Variants in CNNM1 observed in about 807,000 individuals in gnomAD.
CNNM1 encodes metal transporter CNNM1.
Under a neutral mutation model 78.8 loss-of-function variants are expected in CNNM1, and 44 were observed. The observed-to-expected ratio is 0.56, with a 90% CI of 0.44 to 0.72. The LOEUF (loss-of-function observed/expected upper bound fraction) is 0.72, where lower values mean the gene tolerates loss of function less well. CNNM1 is among the 30% of genes least tolerant of loss of function. The pLI is 0.00. For synonymous variants in CNNM1, 584 were observed against 581.5 expected (o/e 1.00, Z -0.06); for missense variants, 1,101 against 1,292.2 (o/e 0.85, Z 2.27).
intron 4 of CNNM1, among the ~76,000 whole-genome samples, chr10:99,362,731 C>A (rs750369855): frequency 5.3e-5 from 8 of 152,126 alleles, no homozygotes; most frequent in Non-Finnish European, 7.4e-5. Flanking sequence ...GCTTGAACAT[C>A]CCCTGAAATG....
chr10:99,329,918 G>T lies in CNNM1; in HGVS notation c.531G>T (p.Ala177=). Residue 177 remains alanine (A), a synonymous_variant, in exon 1 of 11, where the codon GCG becomes GCT. Transcript: ENST00000356713. Reference sequence around the variant, plus strand: ...AGGGCGAAGCGGAGCGGGGCGGCGCGGGCGGTGGCGGGAAGCTCTTTTCAC... The same window carrying T: ...AGGGCGAAGCGGAGCGGGGCGGCGCTGGCGGTGGCGGGAAGCTCTTTTCAC... ...LRKGEAERGG[A]GGGGKLFSLC... 1 of 1,383,210 alleles carries T rather than the reference G, an allele frequency of 7.2e-7. No individual in the cohort carries two copies. Among genetic ancestry groups the T allele is most frequent in the Non-Finnish European group, 9.3e-7 (1 of 1,076,570 alleles). 85.7% of individuals were successfully genotyped at this position (1,383,210 alleles called of 1,614,324 possible). A position where few individuals can be genotyped will look rare whatever the true frequency, so the allele number is the denominator to read the frequency against.
At position 99,388,219 on chromosome 10, in the gene CNNM1, C is replaced by G; in HGVS notation, c.2592C>G (p.Phe864Leu). 1.2e-6 allele frequency: 2 copies of G among 1,614,012 alleles called. No homozygotes were observed. Among genetic ancestry groups the G allele is most frequent in the Non-Finnish European group, 1.7e-6 (2 of 1,179,898 alleles). The change falls in exon 9 of 11, where the codon TTC becomes TTG. Residue 864 changes from phenylalanine (F) to leucine (L), a missense_variant. By Grantham distance (22) the Phe-to-Leu change is conservative. Coordinates refer to ENST00000356713, the MANE Select transcript of CNNM1 (RefSeq NM_020348.3). ...ACCTGAGGATGGAGGAGCTGGCCTT[C>G]ACCCAGGAAGAAATGACTGACTTCG... ...VVYLRMEELAFTQEEMTDFEE... is the reference protein window; with the variant it reads ...VVYLRMEELALTQEEMTDFEE...
intron 1 of CNNM1, among the ~76,000 whole-genome samples, chr10:99,332,048 T>G (rs1209783141): frequency 6.6e-6 from 1 of 152,086 alleles, no homozygotes; most frequent in African/African-American, 2.4e-5. Context: ...TACATTAGAG[T>G]CACCCCTCTT....
intron 1 of CNNM1, among the ~76,000 whole-genome samples, chr10:99,334,847 C>CCAGG (rs1449287280): frequency 1.3e-5 from 2 of 152,138 alleles, no homozygotes; most frequent in African/African-American, 4.8e-5. Flanking sequence ...AGGCACCATG[C>CCAGG]CAGGCCCTTT....
intron 6 of CNNM1, among the ~76,000 whole-genome samples, chr10:99,366,736 C>A (rs549076071): frequency 4.1e-4 from 62 of 152,222 alleles, no homozygotes; most frequent in African/African-American, 1.5e-3. Flanking sequence ...GAGCCAAGAT[C>A]ATGCCACCGT....
At chr10:99,389,007 C>T (rs1287748585) in intron 9 of CNNM1, among the ~76,000 whole-genome samples, 1 of 152,136 alleles carries the variant, frequency 6.6e-6, no homozygotes, top group East Asian at 1.9e-4. Context: ...CTTTCAGTAG[C>T]CCCCTATGCC....
At chr10:99,374,330 G>T (rs559094829) in intron 6 of CNNM1, among the ~76,000 whole-genome samples, 14 of 152,294 alleles carry the variant, frequency 9.2e-5, no homozygotes, top group African/African-American at 3.4e-4. Flanking sequence ...GTAGGGCCCT[G>T]GGCATCTGAC....
chr10:99,390,268 G>C (rs773983552), intron 9 of CNNM1, 38 bp from the exon 10 acceptor site: 59 of 1,464,152 alleles, frequency 4.0e-5, no homozygotes, highest in Admixed American at 7.3e-5. Flanking sequence ...TGAGTGTGTA[G>C]GTTGAGACAA....
At chr10:99,346,762 C>G (rs544384728) in intron 1 of CNNM1, among the ~76,000 whole-genome samples, 1 of 151,766 alleles carries the variant, frequency 6.6e-6, no homozygotes, top group African/African-American at 2.4e-5. Flanking sequence ...CGTGAGCCAC[C>G]ATGCCCAGCT....
intron 1 of CNNM1, among the ~76,000 whole-genome samples, chr10:99,336,824 G>A (rs1360573688): frequency 6.6e-6 from 1 of 152,024 alleles, no homozygotes; most frequent in African/African-American, 2.4e-5. Flanking sequence ...AAAATTAGCC[G>A]GGCAGTAATG....
At chr10:99,334,252 A>T (rs1244604696) in intron 1 of CNNM1, among the ~76,000 whole-genome samples, 1 of 152,272 alleles carries the variant, frequency 6.6e-6, no homozygotes, top group Non-Finnish European at 1.5e-5. Context: ...GGATGTTCTC[A>T]GGCTGCAAGC....
At chr10:99,385,865 A>G (rs2032289187) in intron 7 of CNNM1, among the ~76,000 whole-genome samples, 1 of 152,240 alleles carries the variant, frequency 6.6e-6, no homozygotes, top group Non-Finnish European at 1.5e-5. Context: ...TGACTAAACT[A>G]GAAGCCAAAT....
intron 1 of CNNM1, among the ~76,000 whole-genome samples, chr10:99,331,648 C>T (rs12255001): frequency 0.011 from 1,600 of 152,296 alleles, 33 homozygotes; most frequent in African/African-American, 0.036. Context: ...GGGAGGATTA[C>T]TCGAGCCCAG....
intron 6 of CNNM1, 109 bp from the exon 7 acceptor site, chr10:99,376,946 A>C: frequency 1.9e-6 from 2 of 1,039,688 alleles, no homozygotes; most frequent in Non-Finnish European, 2.8e-6. Flanking sequence ...GTCTTATGGG[A>C]CCTCAGTAAA....
At chr10:99,360,288 A>T (rs2031386213) in intron 2 of CNNM1, among the ~76,000 whole-genome samples, 1 of 152,192 alleles carries the variant, frequency 6.6e-6, no homozygotes, top group African/African-American at 2.4e-5. Context: ...CATGGTTCAC[A>T]TAAGCAGCAG....
chr10:99,390,416 C>T lies in CNNM1; in HGVS notation c.2776+9C>T, dbSNP rs1057058688. On this transcript the variant is annotated intron_variant, in intron 10 of 10. Coordinates refer to ENST00000356713, the MANE Select transcript of CNNM1 (RefSeq NM_020348.3). ...GCTGCTGAGAACCTTGAGTGAGTAG[C>T]TAGTTCTTCACCCAAATGAGAGCCA... is the stretch of plus-strand genomic sequence containing the variant. 1 of 1,600,272 alleles carries T rather than the reference C, an allele frequency of 6.2e-7. No homozygotes were observed. Among genetic ancestry groups the T allele is most frequent in the South Asian group, 1.1e-5 (1 of 89,304 alleles).
chr10:99,348,984 C>T (rs1227130052), intron 1 of CNNM1, among the ~76,000 whole-genome samples: 2 of 152,096 alleles, frequency 1.3e-5, no homozygotes, highest in South Asian at 4.1e-4. Flanking sequence ...GTGGGAGGAT[C>T]CCTTGAGCCT....
At chr10:99,391,323 G>A (rs574647047) in intron 10 of CNNM1, 114 bp from the exon 11 acceptor site, 2 of 758,380 alleles carry the variant, frequency 2.6e-6, no homozygotes, top group African/African-American at 1.7e-5. Context: ...TAACCAAGCT[G>A]TCAAGGGCTT....
chr10:99,352,227 A>C (rs898153663), intron 1 of CNNM1, among the ~76,000 whole-genome samples: 4 of 152,188 alleles, frequency 2.6e-5, no homozygotes, highest in African/African-American at 7.2e-5. Flanking sequence ...ATCATACAGC[A>C]TATGGCCTTT....
Sources: allele counts gnomAD v4.1 joint callset (sites outside exome capture counted in the v4.1 genomes callset), GRCh38; gene constraint gnomAD v4.1.1; transcripts MANE v1.5; gene names NCBI Gene and HGNC (gene_info 2026-07-23, HGNC 2026-07-21).